The following SEPTIN7 variants were observed in gnomAD, a reference collection of about 807,000 sequenced individuals.
The protein encoded by SEPTIN7 is septin 7.
SEPTIN7 carries 10 observed loss-of-function variants against 63.3 expected under a neutral mutation model. The observed-to-expected ratio is 0.16, with a 90% CI of 0.10 to 0.27. The LOEUF (loss-of-function observed/expected upper bound fraction) is 0.27. SEPTIN7 is among the 10% of genes least tolerant of loss of function. SEPTIN7 has a pLI of 1.00. For synonymous variants in SEPTIN7, 131 were observed against 165.3 expected (o/e 0.79, Z 1.59); for missense variants, 310 against 521.0 (o/e 0.59, Z 3.94).
intron 4 of SEPTIN7, among the ~76,000 whole-genome samples, chr7:35,864,235 T>C (rs747395561): frequency 6.6e-6 from 1 of 152,106 alleles, no homozygotes; most frequent in Non-Finnish European, 1.5e-5. Flanking sequence ...CCAAGGTATA[T>C]GTGATCTGAT....
chr7:35,888,807 G>C (rs1435119500), intron 10 of SEPTIN7: 2 of 292,382 alleles, frequency 6.8e-6, no homozygotes, highest in South Asian at 2.6e-5. Flanking sequence ...CTGGGCAACA[G>C]AGCGAGACCC....
At chr7:35,877,515 A>G (rs1786545703) in intron 6 of SEPTIN7, among the ~76,000 whole-genome samples, 3 of 152,226 alleles carry the variant, frequency 2.0e-5, no homozygotes. Context: ...GTATGTCAAT[A>G]AAATTATTAA....
intron 8 of SEPTIN7, among the ~76,000 whole-genome samples, chr7:35,883,653 G>C (rs1431104138): frequency 2.0e-5 from 3 of 151,416 alleles, no homozygotes; most frequent in East Asian, 3.9e-4. Context: ...GTATATGCTT[G>C]AATATTCTTA....
intron 1 of SEPTIN7, among the ~76,000 whole-genome samples, chr7:35,830,881 C>T (rs1339236490): frequency 1.3e-5 from 2 of 152,120 alleles, no homozygotes; most frequent in Non-Finnish European, 2.9e-5. Flanking sequence ...AGCTTCCTTC[C>T]TTTTCCTGTA....
chr7:35,827,036 T>G (rs913207590), intron 1 of SEPTIN7, among the ~76,000 whole-genome samples: 1 of 152,180 alleles, frequency 6.6e-6, no homozygotes, highest in Non-Finnish European at 1.5e-5. Flanking sequence ...GATATTGTAT[T>G]TAAGTTGATT....
At chr7:35,913,351 G>A in the SEPTIN7 span, among the ~76,000 whole-genome samples, 91 of 152,174 alleles carry the variant, frequency 6.0e-4, no homozygotes, top group Middle Eastern at 6.8e-3. Flanking sequence ...ACCACATCAG[G>A]CCGGCCCTCT....
chr7:35,801,686 C>G (rs1028248583), intron 1 of SEPTIN7, among the ~76,000 whole-genome samples: 8 of 152,178 alleles, frequency 5.3e-5, no homozygotes, highest in Non-Finnish European at 8.8e-5. Context: ...GCCGCATCCC[C>G]GTCGGCAGAA....
the SEPTIN7 span, among the ~76,000 whole-genome samples, chr7:35,912,654 C>T: frequency 1.3e-5 from 2 of 152,192 alleles, no homozygotes; most frequent in Admixed American, 1.3e-4. Context: ...AAAGCAGGTA[C>T]AGCGGACCTT....
chr7:35,895,177 A>T (rs1787886196), intron 11 of SEPTIN7, among the ~76,000 whole-genome samples: 2 of 152,172 alleles, frequency 1.3e-5, no homozygotes, highest in Non-Finnish European at 2.9e-5. Context: ...TGGTTTTTCC[A>T]GCCATTTAAT....
At chr7:35,819,271 T>C (rs1432913896) in intron 1 of SEPTIN7, among the ~76,000 whole-genome samples, 1 of 152,178 alleles carries the variant, frequency 6.6e-6, no homozygotes, top group Non-Finnish European at 1.5e-5. Flanking sequence ...GATTTTTCTC[T>C]GCAGTTGATT....
chr7:35,858,395 C>T (rs190187020), intron 3 of SEPTIN7, among the ~76,000 whole-genome samples: 3 of 152,188 alleles, frequency 2.0e-5, no homozygotes, highest in Admixed American at 1.3e-4. Context: ...CTAGCTCTGT[C>T]GCCAGGCTGG....
At chr7:35,847,692 T>A (rs1229655302) in intron 3 of SEPTIN7, among the ~76,000 whole-genome samples, 1 of 152,228 alleles carries the variant, frequency 6.6e-6, no homozygotes. Context: ...TTATATTTCT[T>A]GTGAATGTTG....
In SEPTIN7 at chr7:35,824,684, C is replaced by G. The variant is rs141271650; in HGVS notation, c.62-6808C>G. ...CCTTCTACAAGTTAGTTACAGAGATCTGTCATTTCATGTCTTTAATATCTA... is the reference window on the plus strand; with the variant it reads ...CCTTCTACAAGTTAGTTACAGAGATGTGTCATTTCATGTCTTTAATATCTA... On this transcript the variant is annotated intron_variant, in intron 1 of 13. Transcript: ENST00000350320. Among the ~76,000 whole-genome samples the G allele has an allele frequency of 1.7e-3, 256 of 152,284 alleles. 1 individual carries two copies. The highest frequency in any genetic ancestry group is 6.1e-3 in the African/African-American group (252 of 41,550).
intron 3 of SEPTIN7, among the ~76,000 whole-genome samples, chr7:35,854,037 C>T (rs1406414803): frequency 6.6e-6 from 1 of 152,154 alleles, no homozygotes; most frequent in East Asian, 1.9e-4. Flanking sequence ...AAGTTTGAAA[C>T]TTTGAGTGCT....
chr7:35,822,906 T>G (rs1321670797), intron 1 of SEPTIN7, among the ~76,000 whole-genome samples: 2 of 152,182 alleles, frequency 1.3e-5, no homozygotes, highest in African/African-American at 2.4e-5. Context: ...ACTCAATTTT[T>G]CTTTCTGCTC....
At chr7:35,913,022 G>T in the SEPTIN7 span, among the ~76,000 whole-genome samples, 1 of 152,318 alleles carries the variant, frequency 6.6e-6, no homozygotes, top group South Asian at 2.1e-4. Context: ...TAGTGGAAAA[G>T]GTATTAGGCC....
intron 9 of SEPTIN7, among the ~76,000 whole-genome samples, chr7:35,884,723 A>T (rs1370972319): frequency 6.6e-6 from 1 of 152,186 alleles, no homozygotes; most frequent in African/African-American, 2.4e-5. Context: ...GCCCTTTTTG[A>T]TATCTCATAT....
intron 11 of SEPTIN7, 139 bp downstream of exon 11, chr7:35,890,932 A>G (rs1218529117): frequency 2.9e-6 from 2 of 679,752 alleles, no homozygotes; most frequent in East Asian, 3.5e-5. Flanking sequence ...ATAAATTTAT[A>G]TTGTTATGCT....
chr7:35,805,840 C>T (rs1433885011), intron 1 of SEPTIN7, among the ~76,000 whole-genome samples: 1 of 152,190 alleles, frequency 6.6e-6, no homozygotes, highest in African/African-American at 2.4e-5. Context: ...ATGGACTTTC[C>T]TGAAGTTGTA....
Sources: allele counts gnomAD v4.1 joint callset (sites outside exome capture counted in the v4.1 genomes callset), GRCh38; gene constraint gnomAD v4.1.1; transcripts MANE v1.5; gene names NCBI Gene and HGNC (gene_info 2026-07-23, HGNC 2026-07-21).